Variants in HDLBP observed in about 807,000 individuals in gnomAD.
The protein encoded by HDLBP is high density lipoprotein binding protein.
Under a neutral mutation model 137.3 loss-of-function variants are expected in HDLBP, and 30 were observed. The ratio of observed to expected loss-of-function variants is 0.22; its 90% confidence interval spans 0.16 to 0.30. HDLBP has a LOEUF of 0.30. Ranked by LOEUF, HDLBP falls within the 10% of genes least tolerant of loss-of-function variation. The pLI, the probability that HDLBP is intolerant of heterozygous loss-of-function variation, is 1.00. For missense variants in HDLBP, 1,119 were observed against 1,667.3 expected (o/e 0.67, Z 5.73); for synonymous variants, 606 against 596.0 (o/e 1.02, Z -0.24).
chr2:241,251,741 G>A (rs1180773873), intron 11 of HDLBP, among the ~76,000 whole-genome samples: 3 of 152,142 alleles, frequency 2.0e-5, no homozygotes, highest in African/African-American at 4.8e-5. Context: ...TTGGGAGGCC[G>A]AGGTGGGCAG....
chr2:241,234,515 A>C (rs1255647293), intron 23 of HDLBP, among the ~76,000 whole-genome samples: 1 of 152,152 alleles, frequency 6.6e-6, no homozygotes, highest in East Asian at 1.9e-4. Flanking sequence ...TGCTCACGGG[A>C]GGAGTGGAAA....
At chr2:241,253,829 T>C (rs2072398866) in intron 9 of HDLBP, among the ~76,000 whole-genome samples, 1 of 152,172 alleles carries the variant, frequency 6.6e-6, no homozygotes, top group Non-Finnish European at 1.5e-5. Flanking sequence ...TTGAGTTGCA[T>C]AAAGAATGAG....
In HDLBP at chr2:241,242,512, G is replaced by A. The variant is rs759720651; in HGVS notation, c.2117C>T (p.Ser706Phe). 3.1e-6 allele frequency: 5 copies of A among 1,614,186 alleles called. No homozygotes were observed. Among genetic ancestry groups the A allele is most frequent in the Non-Finnish European group, 4.2e-6 (5 of 1,180,036 alleles). The stretch of plus-strand genomic sequence containing the variant: ...CTTCTTGGCCTTCTCCACATCCGAG[G>A]AAGGGCCCCTGATAACAACGGTGTC... ...GSDTVVIRGP[S>F]SDVEKAKKQL... The change falls in exon 17 of 28, where the codon TCC becomes TTC. Residue 706 changes from serine to phenylalanine, a missense_variant. Ser to Phe is a radical substitution (Grantham distance 155, BLOSUM62 -2). Transcript: ENST00000310931.
chr2:241,270,868 C>G (rs2073989932), intron 1 of HDLBP: 2 of 650,828 alleles, frequency 3.1e-6, no homozygotes, highest in Admixed American at 6.3e-5. Flanking sequence ...TACCCAAGAA[C>G]AGAGGCTAAC....
intron 24 of HDLBP, 179 bp from the exon 25 acceptor site, chr2:241,231,123 G>A (rs2069691244): frequency 8.5e-6 from 5 of 587,202 alleles, no homozygotes; most frequent in East Asian, 5.9e-5. Context: ...GGTGGCTCAC[G>A]CCTGTAATCC....
intron 2 of HDLBP, 33 bp downstream of exon 2, chr2:241,268,444 G>A (rs951324468): frequency 1.0e-6 from 1 of 985,694 alleles, no homozygotes; most frequent in African/African-American, 1.7e-5. Flanking sequence ...CACAGCCCAG[G>A]GACAGGAAGT....
At position 241,272,285 on chromosome 2, in the gene HDLBP, G is replaced by C; in HGVS notation, c.-102-3744C>G. On this transcript the variant is annotated intron_variant, in intron 1 of 27. Coordinates refer to ENST00000310931, the MANE Select transcript of HDLBP (RefSeq NM_005336.6). This position sits in a 1 kb window ranked among gnomAD's most constrained non-coding sequence, Gnocchi z 5.6. ...GGAAGGACCCCGCTGGCCTCCCAGG[G>C]ACCCCCACCCTGGCCGCACACGGCG... 1 of 978,370 alleles carries C rather than the reference G, an allele frequency of 1.0e-6. No individual in the cohort carries two copies. The highest frequency in any genetic ancestry group is 1.2e-6 in the Non-Finnish European group (1 of 824,008). 60.6% of individuals were successfully genotyped at this position (978,370 alleles called of 1,614,324 possible).
intron 11 of HDLBP, 186 bp from the exon 12 acceptor site, chr2:241,250,166 C>G: frequency 1.9e-6 from 1 of 539,520 alleles, no homozygotes; most frequent in South Asian, 2.8e-5. Context: ...ATGATCTTCA[C>G]CTGGATCACA....
At position 241,293,484 on chromosome 2, in the gene HDLBP, T is replaced by G. The variant is rs552970166; in HGVS notation, c.-103+22086A>C. ...CTGCACTCCCAGCCTGGGTGGCACG[T>G]GCCTGTAGTCCCAGCTACTTGGAAG... On this transcript the variant is annotated intron_variant, in intron 1 of 27. Transcript: ENST00000310931. Among the ~76,000 whole-genome samples, 12 of 151,514 alleles carry G rather than the reference T, an allele frequency of 7.9e-5. No individual in the cohort carries two copies. The South Asian group carries it at 2.5e-3, about 32-fold the overall frequency.
At chr2:241,266,979 T>G (rs2073720264) in intron 2 of HDLBP, 73 bp from the exon 3 acceptor site, 5 of 1,147,920 alleles carry the variant, frequency 4.4e-6, no homozygotes, top group Middle Eastern at 1.9e-4. Flanking sequence ...AACCTAAGAG[T>G]TTTAGCAAAG....
intron 1 of HDLBP, among the ~76,000 whole-genome samples, chr2:241,285,171 C>T (rs1186386705): frequency 2.6e-5 from 4 of 152,240 alleles, no homozygotes; most frequent in Non-Finnish European, 2.9e-5. Context: ...TGAGCCACTG[C>T]GCCCAGCCTT....
At chr2:241,246,915 A>C in intron 15 of HDLBP, 32 bp from the exon 16 acceptor site, 2 of 1,613,364 alleles carry the variant, frequency 1.2e-6, no homozygotes, top group South Asian at 1.1e-5. Flanking sequence ...TGAGAAGCTG[A>C]CTAGAGCTCT....
At chr2:241,253,106 A>C (rs1196795391) in intron 10 of HDLBP, 71 bp from the exon 11 acceptor site, 1 of 1,136,474 alleles carries the variant, frequency 8.8e-7, no homozygotes, top group Non-Finnish European at 1.3e-6. Context: ...AAAACCCAGC[A>C]GTCTCCACGG....
rs948187788 is a variant in HDLBP, at chr2:241,266,683, A to G, written c.76+111T>C. On this transcript the variant is annotated intron_variant, in intron 3 of 27. Coordinates refer to ENST00000310931, the MANE Select transcript of HDLBP (RefSeq NM_005336.6). ...CAAGATGTTGGACCCTCCCTGCCCCACAACCACAGGGCCAAAAGGTACTTC... is the reference window on the plus strand; with the variant it reads ...CAAGATGTTGGACCCTCCCTGCCCCGCAACCACAGGGCCAAAAGGTACTTC... 15 of 778,112 alleles carry G rather than the reference A, an allele frequency of 1.9e-5. No individual in the cohort carries two copies. The African/African-American group carries it at 2.4e-4, about 12-fold the overall frequency. The allele number at this position is 778,112 out of a possible 1,614,324, so 48.2% of individuals were successfully genotyped here.
At chr2:241,263,057 A>G (rs2149521495) in intron 4 of HDLBP, 131 bp from the exon 5 acceptor site, 1 of 691,190 alleles carries the variant, frequency 1.4e-6, no homozygotes, top group South Asian at 1.9e-5. Context: ...CACTGCTCGA[A>G]GCCCTGGGAT....
intron 2 of HDLBP, chr2:241,267,906 A>G: frequency 1.0e-6 from 1 of 985,428 alleles, no homozygotes; most frequent in Non-Finnish European, 1.2e-6. Flanking sequence ...TCAGCGGGAT[A>G]TGGGCTCCGA....
intron 7 of HDLBP, 87 bp downstream of exon 7, chr2:241,256,097 G>C: frequency 1.8e-6 from 2 of 1,103,830 alleles, no homozygotes; most frequent in Admixed American, 3.8e-5. Context: ...AAGATAAGGG[G>C]CAGAACCAGG....
At chr2:241,256,526 C>A in intron 6 of HDLBP, 74 bp downstream of exon 6, 1 of 1,549,194 alleles carries the variant, frequency 6.5e-7, no homozygotes, top group Non-Finnish European at 8.9e-7. Flanking sequence ...CCACACTGGA[C>A]ACGGCAACCC....
chr2:241,284,234 T>C (rs2074721665), intron 1 of HDLBP, among the ~76,000 whole-genome samples: 1 of 152,216 alleles, frequency 6.6e-6, no homozygotes, highest in Admixed American at 6.5e-5. Flanking sequence ...CTGCCATAGA[T>C]AGTTATTCCT....
Sources: gnomAD v4.1 joint callset for allele counts (sites outside exome capture counted in the v4.1 genomes callset) on GRCh38, gnomAD v4.1.1 for gene constraint, Gnocchi (gnomAD v3.1) non-coding constraint, MANE v1.5 for transcripts, NCBI Gene and HGNC (gene_info 2026-07-23, HGNC 2026-07-21) for gene names.